Variants in CAST observed in about 807,000 individuals in gnomAD.
CAST encodes MIR583 host.
In CAST, 76 loss-of-function variants were observed where a neutral mutation model predicts 119.6. That is an observed-to-expected ratio of 0.64 (90% CI 0.53 to 0.77). CAST has a LOEUF of 0.77. CAST is among the 30% of genes least tolerant of loss of function. The pLI, the probability that CAST is intolerant of heterozygous loss-of-function variation, is 0.00. For missense variants in CAST, 953 were observed against 946.5 expected, an observed-to-expected ratio of 1.01 and a Z score of -0.09; for synonymous variants, 319 against 331.6, an observed-to-expected ratio of 0.96 and a Z score of 0.41.
chr5:96,433,148 A>G, the CAST span: 1 of 1,054,602 alleles, frequency 9.5e-7, no homozygotes, highest in South Asian at 1.3e-5. Flanking sequence ...GCTCTAGACC[A>G]CTCCTGGCTC....
At chr5:96,464,925 A>G in the CAST span, among the ~76,000 whole-genome samples, 1 of 152,076 alleles carries the variant, frequency 6.6e-6, no homozygotes, top group Admixed American at 6.6e-5. Context: ...TCTTAGGCAC[A>G]GATTTTCAAG....
chr5:96,340,390 G>C, the CAST span, among the ~76,000 whole-genome samples: 3 of 149,428 alleles, frequency 2.0e-5, no homozygotes, highest in African/African-American at 7.4e-5. Flanking sequence ...TGGTTAACTT[G>C]TTTTTCATCT....
chr5:96,222,609 A>G, the CAST span, among the ~76,000 whole-genome samples: 1 of 152,110 alleles, frequency 6.6e-6, no homozygotes, highest in Admixed American at 6.6e-5. Flanking sequence ...TGATAAAAAT[A>G]ATAGATGCTG....
At chr5:96,277,001 T>C in the CAST span, among the ~76,000 whole-genome samples, 1 of 152,234 alleles carries the variant, frequency 6.6e-6, no homozygotes, top group East Asian at 1.9e-4. Flanking sequence ...CTGAGATTTA[T>C]CCATGAAGAT....
At chr5:96,202,077 A>G in the CAST span, among the ~76,000 whole-genome samples, 1 of 152,142 alleles carries the variant, frequency 6.6e-6, no homozygotes, top group Non-Finnish European at 1.5e-5. Flanking sequence ...AGGTGACTAC[A>G]TAGAGGAGAT....
chr5:96,370,075 G>T, the CAST span, among the ~76,000 whole-genome samples: 3 of 151,994 alleles, frequency 2.0e-5, no homozygotes, highest in East Asian at 5.8e-4. Context: ...GATCTGAATG[G>T]CTAAGGATTA....
chr5:96,277,601 G>A, the CAST span, among the ~76,000 whole-genome samples: 4 of 152,070 alleles, frequency 2.6e-5, no homozygotes, highest in Non-Finnish European at 5.9e-5. Flanking sequence ...AAAGGTAGTG[G>A]GTGGGTGGGG....
chr5:96,373,275 T>G, the CAST span, among the ~76,000 whole-genome samples: 1 of 152,190 alleles, frequency 6.6e-6, no homozygotes. Flanking sequence ...GGAGATTAGA[T>G]GACAGAGGGC....
intron 1 of CAST, among the ~76,000 whole-genome samples, chr5:96,642,265 C>G (rs948924194): frequency 6.6e-6 from 1 of 152,206 alleles, no homozygotes; most frequent in Non-Finnish European, 1.5e-5. Flanking sequence ...TCATTTCAAT[C>G]TTATTCACAG....
chr5:96,742,499 C>A, intron 15 of CAST, 156 bp from the exon 16 acceptor site: 1 of 604,598 alleles, frequency 1.7e-6, no homozygotes, highest in Non-Finnish European at 3.0e-6. Flanking sequence ...TTTCCTTTCT[C>A]TCTTTTGCAA....
the CAST span, among the ~76,000 whole-genome samples, chr5:96,447,784 T>C: frequency 6.6e-6 from 1 of 152,276 alleles, no homozygotes; most frequent in South Asian, 2.1e-4. Context: ...ATATCACATA[T>C]ATTTTTAATA....
chr5:96,246,378 G>A, the CAST span, among the ~76,000 whole-genome samples: 1 of 151,812 alleles, frequency 6.6e-6, no homozygotes, highest in East Asian at 1.9e-4. Context: ...GTAGAGACGG[G>A]GTTTCACTGT....
At chr5:96,133,444 G>A in the CAST span, among the ~76,000 whole-genome samples, 1 of 152,092 alleles carries the variant, frequency 6.6e-6, no homozygotes, top group African/African-American at 2.4e-5. Flanking sequence ...TTCTAGTCTT[G>A]GCTCTACCCC....
intron 20 of CAST, among the ~76,000 whole-genome samples, chr5:96,752,437 G>A (rs1765263511): frequency 6.6e-6 from 1 of 151,984 alleles, no homozygotes; most frequent in African/African-American, 2.4e-5. Context: ...CACATTGCTT[G>A]CATAAGACTT....
chr5:96,258,406 A>C, the CAST span, among the ~76,000 whole-genome samples: 1 of 152,216 alleles, frequency 6.6e-6, no homozygotes, highest in Non-Finnish European at 1.5e-5. Flanking sequence ...ATTTTGAAAA[A>C]ATCATAGTCA....
the CAST span, among the ~76,000 whole-genome samples, chr5:96,037,000 T>C: frequency 6.6e-6 from 1 of 152,124 alleles, no homozygotes; most frequent in Non-Finnish European, 1.5e-5. Flanking sequence ...TGATCTACCT[T>C]CCCTTGTGGA....
At chr5:96,357,810 G>T in the CAST span, among the ~76,000 whole-genome samples, 2 of 152,130 alleles carry the variant, frequency 1.3e-5, no homozygotes, top group African/African-American at 4.8e-5. Flanking sequence ...TTGTTTCTCA[G>T]CCAGGCTTTG....
At chr5:96,671,056 C>T (rs1274962162) in intron 1 of CAST, among the ~76,000 whole-genome samples, 2 of 152,328 alleles carry the variant, frequency 1.3e-5, no homozygotes, top group East Asian at 3.9e-4. Flanking sequence ...GGACAAACGA[C>T]AGTTGTAGTT....
the CAST span, among the ~76,000 whole-genome samples, chr5:96,021,874 A>G: frequency 5.8e-4 from 88 of 152,324 alleles, no homozygotes; most frequent in Middle Eastern, 3.4e-3. Context: ...ATTACATATA[A>G]TTACATCAAA....
Sources: allele counts gnomAD v4.1 joint callset (sites outside exome capture counted in the v4.1 genomes callset), GRCh38; gene constraint gnomAD v4.1.1; transcripts MANE v1.5; gene names NCBI Gene and HGNC (gene_info 2026-07-23, HGNC 2026-07-21).